EDIL3: variants seen among roughly 807,000 people sequenced by gnomAD.
EDIL3 encodes EGF like and discoidin domains 3, also known as EGF-like repeat and discoidin I-like domain-containing protein 3.
In EDIL3, 37 loss-of-function variants were observed where a neutral mutation model predicts 67.4. The observed-to-expected ratio is 0.55, with a 90% CI of 0.42 to 0.72. The LOEUF is 0.72. Ranked by LOEUF, EDIL3 falls within the 30% of genes least tolerant of loss-of-function variation. EDIL3 has a pLI of 0.00. For missense variants in EDIL3, 527 were observed against 586.3 expected, an observed-to-expected ratio of 0.90 and a Z score of 1.04; for synonymous variants, 195 against 196.3, an observed-to-expected ratio of 0.99 and a Z score of 0.05.
At chr5:84,198,234 G>A (rs533437394) in intron 3 of EDIL3, among the ~76,000 whole-genome samples, 16 of 151,620 alleles carry the variant, frequency 1.1e-4, no homozygotes, top group African/African-American at 3.9e-4. Context: ...CTAGTTGTAT[G>A]TGGGTCAAGG....
At chr5:84,382,529 G>A (rs1348509250) in intron 1 of EDIL3, among the ~76,000 whole-genome samples, 10 of 152,126 alleles carry the variant, frequency 6.6e-5, no homozygotes, top group Admixed American at 6.5e-4. Flanking sequence ...GACACAATGC[G>A]AGTGAGTGGG....
intron 9 of EDIL3, among the ~76,000 whole-genome samples, chr5:84,052,544 G>A (rs915239556): frequency 1.4e-4 from 22 of 152,108 alleles, no homozygotes; most frequent in Non-Finnish European, 2.4e-4. Flanking sequence ...ACCCATCAGT[G>A]TGCTGTATTC....
rs1745542853 is a variant in EDIL3 at position 84,274,810 on chromosome 5, A to AG, written c.68-20599_68-20598insC. On this transcript the variant is annotated intron_variant, in intron 1 of 10. Coordinates refer to ENST00000296591, the MANE Select transcript of EDIL3 (RefSeq NM_005711.5). Reference sequence around the variant, plus strand: ...ACACACACAGACACACACACACACAAAGAGAGAAAGACCTTCAGAGCACAG... The same window carrying AG: ...ACACACACAGACACACACACACACAAGAGAGAGAAAGACCTTCAGAGCACAG... Among the ~76,000 whole-genome samples the AG allele has an allele frequency of 1.5e-4, 20 of 131,742 alleles. No individual in the cohort carries two copies. The South Asian group carries it at 4.8e-3, about 31-fold the overall frequency. The allele number at this position is 131,742 out of a possible 152,430, so 86.4% of individuals were successfully genotyped here.
chr5:84,200,058 A>G (rs1743800101), intron 3 of EDIL3, among the ~76,000 whole-genome samples: 2 of 152,106 alleles, frequency 1.3e-5, no homozygotes, highest in Non-Finnish European at 2.9e-5. Context: ...AACCCAGGTG[A>G]TTGCAATCAG....
At chr5:84,068,356 T>G (rs1371427808) in intron 6 of EDIL3, among the ~76,000 whole-genome samples, 1 of 152,176 alleles carries the variant, frequency 6.6e-6, no homozygotes, top group East Asian at 1.9e-4. Context: ...CATCTGATGT[T>G]GCTGAACATT....
chr5:84,300,174 C>T (rs1045203145), intron 1 of EDIL3, among the ~76,000 whole-genome samples: 1 of 152,182 alleles, frequency 6.6e-6, no homozygotes, highest in African/African-American at 2.4e-5. Context: ...GTTTTATTGC[C>T]TTTCCATCTT....
At chr5:84,188,605 C>G (rs1325427748) in intron 3 of EDIL3, among the ~76,000 whole-genome samples, 1 of 151,508 alleles carries the variant, frequency 6.6e-6, no homozygotes, top group African/African-American at 2.4e-5. Context: ...TTCAGGACCT[C>G]GGAATGTGAC....
chr5:84,141,941 A>C (rs1398367964), intron 4 of EDIL3, among the ~76,000 whole-genome samples: 59 of 136,046 alleles, frequency 4.3e-4, no homozygotes, highest in African/African-American at 1.5e-3. Flanking sequence ...ATATATATAT[A>C]TATATACATA....
intron 5 of EDIL3, among the ~76,000 whole-genome samples, chr5:84,128,964 T>C (rs2112306277): frequency 6.6e-6 from 1 of 152,294 alleles, no homozygotes; most frequent in South Asian, 2.1e-4. Flanking sequence ...TGTCAGGTAA[T>C]GAGAATACGA....
intron 1 of EDIL3, among the ~76,000 whole-genome samples, chr5:84,364,573 ACTCCTAAT>A (rs1300144086): frequency 6.6e-6 from 1 of 152,070 alleles, no homozygotes; most frequent in African/African-American, 2.4e-5. Context: ...TACAGGTAAG[ACTCCTAAT>A]CAGCTAACCT....
intron 4 of EDIL3, among the ~76,000 whole-genome samples, chr5:84,174,426 A>C (rs934587820): frequency 6.6e-6 from 1 of 152,212 alleles, no homozygotes; most frequent in African/African-American, 2.4e-5. Context: ...AACATTCATC[A>C]GTTCAAAGGG....
Position 83,943,180 on chromosome 5 carries a change from A to G in EDIL3, c.*239T>C, listed in dbSNP as rs765555573. The stretch of plus-strand genomic sequence containing the variant: ...TTCAGGAAACAATGAGAGAAAAGTA[A>G]TTCACACTTAATGTGTTGTTACTTA... On this transcript the variant is annotated 3_prime_UTR_variant, in exon 11 of 11. Transcript: ENST00000296591. 16 of 457,338 alleles carry G rather than the reference A, an allele frequency of 3.5e-5. No individual in the cohort carries two copies. The highest frequency in any genetic ancestry group is 6.2e-5 in the Non-Finnish European group (16 of 257,538). 28.3% of individuals were successfully genotyped at this position (457,338 alleles called of 1,614,324 possible).
intron 4 of EDIL3, among the ~76,000 whole-genome samples, chr5:84,159,466 C>A (rs997507128): frequency 6.6e-6 from 1 of 151,908 alleles, no homozygotes; most frequent in African/African-American, 2.4e-5. Flanking sequence ...TTCAAGCTTA[C>A]CTGACCCCAT....
At chr5:84,091,557 T>C (rs1406562983) in intron 6 of EDIL3, among the ~76,000 whole-genome samples, 4 of 152,202 alleles carry the variant, frequency 2.6e-5, no homozygotes, top group Admixed American at 2.6e-4. Context: ...CTTAGTACTG[T>C]CACATTTTCA....
At chr5:84,054,895 T>C (rs1323148443) in intron 9 of EDIL3, among the ~76,000 whole-genome samples, 1 of 145,596 alleles carries the variant, frequency 6.9e-6, no homozygotes, top group Non-Finnish European at 1.5e-5. Context: ...CAAGGTAATT[T>C]ATAGATTCAA....
intron 1 of EDIL3, among the ~76,000 whole-genome samples, chr5:84,262,665 T>TTTTTTTTTG: frequency 1.1e-5 from 1 of 94,608 alleles, no homozygotes. Context: ...GTTGGTTTTT[T>TTTTTTTTTG]TTTTTTTTTT....
At chr5:84,157,423 A>G (rs1052350766) in intron 4 of EDIL3, among the ~76,000 whole-genome samples, 8 of 152,128 alleles carry the variant, frequency 5.3e-5, no homozygotes, top group Non-Finnish European at 1.0e-4. Flanking sequence ...AAGCTAGTAT[A>G]AAGAATCAAT....
intron 5 of EDIL3, among the ~76,000 whole-genome samples, chr5:84,115,276 T>A (rs1466316989): frequency 6.6e-6 from 1 of 152,244 alleles, no homozygotes; most frequent in Non-Finnish European, 1.5e-5. Context: ...AATGCAATTA[T>A]CAGCCATCTA....
chr5:83,993,145 A>C (rs1213249106), intron 9 of EDIL3, among the ~76,000 whole-genome samples: 1 of 152,156 alleles, frequency 6.6e-6, no homozygotes, highest in Non-Finnish European at 1.5e-5. Context: ...TTTAAACAAA[A>C]CCTTAATTAT....
Sources: allele counts gnomAD v4.1 joint callset (sites outside exome capture counted in the v4.1 genomes callset), GRCh38; gene constraint gnomAD v4.1.1; transcripts MANE v1.5; gene names NCBI Gene and HGNC (gene_info 2026-07-23, HGNC 2026-07-21).